The following ANO3 variants were observed in gnomAD, a reference collection of about 807,000 sequenced individuals.
ANO3 encodes the protein anoctamin 3.
A neutral mutation model predicts 144.8 loss-of-function variants in ANO3; 99 were observed. The observed-to-expected ratio is 0.68, with a 90% CI of 0.58 to 0.81. The LOEUF (loss-of-function observed/expected upper bound fraction) is 0.81. Ranked by LOEUF, ANO3 falls within the 30% of genes least tolerant of loss-of-function variation. The probability of loss-of-function intolerance (pLI) is 0.00; values close to 1 mark genes in which losing one functional copy is unlikely to be tolerated. For synonymous variants in ANO3, 414 were observed against 392.6 expected, an observed-to-expected ratio of 1.05 and a Z score of -0.64; for missense variants, 905 against 1,202.2, an observed-to-expected ratio of 0.75 and a Z score of 3.66.
intron 1 of ANO3, among the ~76,000 whole-genome samples, chr11:26,362,203 T>G (rs182403023): frequency 5.3e-4 from 81 of 152,254 alleles, no homozygotes; most frequent in African/African-American, 1.8e-3. Context: ...AATTAATCAT[T>G]AAAAATAATT....
intron 1 of ANO3, among the ~76,000 whole-genome samples, chr11:26,427,871 G>A (rs1857963492): frequency 6.6e-6 from 1 of 152,138 alleles, no homozygotes; most frequent in Admixed American, 6.5e-5. Flanking sequence ...AAGAAATGCA[G>A]ACTGAAGCAG....
chr11:26,358,361 G>A (rs1052030627), intron 1 of ANO3, among the ~76,000 whole-genome samples: 5 of 151,864 alleles, frequency 3.3e-5, no homozygotes, highest in African/African-American at 9.7e-5. Flanking sequence ...TAGTAGAGAC[G>A]GGGTTTCACC....
At position 26,414,357 on chromosome 11, in the gene ANO3, T is replaced by C. The variant is rs139321754; in HGVS notation, c.47-27561T>C. The stretch of plus-strand genomic sequence containing the variant: ...AACCAACCTAAATGCCTATCAACAA[T>C]AGACTGGATAAAGAAAATGTGGTAC... On this transcript the variant is annotated intron_variant, in intron 1 of 26. Transcript: ENST00000256737. 4.1e-4 allele frequency among the ~76,000 whole-genome samples: 63 copies of C among 152,050 alleles called. No homozygotes were observed. The East Asian group carries it at 0.01, about 25-fold the overall frequency.
At chr11:26,544,909 G>A (rs1035817477) in intron 11 of ANO3, among the ~76,000 whole-genome samples, 4 of 151,824 alleles carry the variant, frequency 2.6e-5, no homozygotes, top group African/African-American at 9.7e-5. Context: ...AAGTGGCTAA[G>A]AGAAGGAGTC....
chr11:26,295,231 A>T (rs376084737), intron 1 of ANO3, among the ~76,000 whole-genome samples: 1 of 151,996 alleles, frequency 6.6e-6, no homozygotes, highest in African/African-American at 2.4e-5. Flanking sequence ...TCATTTTCTA[A>T]CACATTATTT....
intron 1 of ANO3, among the ~76,000 whole-genome samples, chr11:26,319,906 T>C (rs1854718341): frequency 6.6e-6 from 1 of 151,884 alleles, no homozygotes; most frequent in Non-Finnish European, 1.5e-5. Flanking sequence ...TTAAGTATTG[T>C]AGAAGAAGGT....
At chr11:26,572,356 A>G (rs1850862332) in intron 14 of ANO3, 1 of 519,878 alleles carries the variant, frequency 1.9e-6, no homozygotes. Flanking sequence ...GGGACAAGGT[A>G]TTACTCTCGT....
intron 3 of ANO3, among the ~76,000 whole-genome samples, chr11:26,450,696 C>T (rs1443486306): frequency 6.6e-6 from 1 of 152,126 alleles, no homozygotes; most frequent in Non-Finnish European, 1.5e-5. Flanking sequence ...TTCTTATAAA[C>T]AGAGATTGAG....
intron 1 of ANO3, among the ~76,000 whole-genome samples, chr11:26,377,253 A>C (rs1856438998): frequency 6.6e-6 from 1 of 152,212 alleles, no homozygotes; most frequent in Non-Finnish European, 1.5e-5. Context: ...ATGCATTGGC[A>C]AAACTAAAAG....
chr11:26,232,804 C>A (rs1852430380), intron 1 of ANO3, among the ~76,000 whole-genome samples: 1 of 152,174 alleles, frequency 6.6e-6, no homozygotes, highest in Non-Finnish European at 1.5e-5. Flanking sequence ...AACTAAAGAG[C>A]TTCTGCACAG....
At chr11:26,504,169 C>T (rs538883098) in intron 4 of ANO3, among the ~76,000 whole-genome samples, 199 of 152,294 alleles carry the variant, frequency 1.3e-3, no homozygotes, top group African/African-American at 4.6e-3. Flanking sequence ...CAAATTGTAA[C>T]TAATTGCGGT....
chr11:26,215,657 G>A (rs73439624), intron 1 of ANO3, among the ~76,000 whole-genome samples: 3,498 of 151,874 alleles, frequency 0.023, 155 homozygotes, highest in African/African-American at 0.081. Context: ...TAATTTCAGG[G>A]TCTCTCACCT....
chr11:26,530,670 C>A (rs896935436), intron 7 of ANO3, among the ~76,000 whole-genome samples: 1 of 151,644 alleles, frequency 6.6e-6, no homozygotes, highest in Non-Finnish European at 1.5e-5. Context: ...ACCTTCCTGG[C>A]CAACATGGTG....
At position 26,516,830 on chromosome 11, in the gene ANO3, G is replaced by A; in HGVS notation, c.595G>A (p.Ala199Thr). Residue 199 changes from alanine to threonine, a missense_variant, in exon 6 of 27, where the codon GCT becomes ACT. This residue lies in a region of ANO3 where 63 missense variants were observed against 107.3 expected (regional missense o/e 0.59). Coordinates refer to ENST00000256737, the MANE Select transcript of ANO3 (RefSeq NM_031418.4). ...CCTATCTTACTATCATTTGCAGCCA[G>A]CTATTGCAAGCCCCGATATCATGTT... ...AEGLMLEKEP[A>T]IASPDIMFIK... is the part of the protein sequence containing the mutation. 1 of 1,607,558 alleles carries A rather than the reference G, an allele frequency of 6.2e-7. No homozygotes were observed. The highest frequency in any genetic ancestry group is 8.5e-7 in the Non-Finnish European group (1 of 1,175,206).
intron 1 of ANO3, among the ~76,000 whole-genome samples, chr11:26,239,496 A>G (rs1429700729): frequency 6.6e-6 from 1 of 152,178 alleles, no homozygotes; most frequent in African/African-American, 2.4e-5. Flanking sequence ...CCCTAGATCA[A>G]GCAGAGCAGC....
At chr11:26,563,395 C>CTCTCTGTGTGTGTG (rs371195680) in intron 14 of ANO3, 8 of 540,000 alleles carry the variant, frequency 1.5e-5, no homozygotes, top group African/African-American at 1.2e-4. Flanking sequence ...GTTTCTCTCT[C>CTCTCTGTGTGTGTG]TGTGTGTGTG....
chr11:26,333,551 G>T (rs902408280), intron 1 of ANO3, among the ~76,000 whole-genome samples: 9 of 152,184 alleles, frequency 5.9e-5, no homozygotes, highest in Non-Finnish European at 7.4e-5. Flanking sequence ...CAAAGTGCTG[G>T]GATTACAGGT....
intron 8 of ANO3, 115 bp from the exon 9 acceptor site, chr11:26,534,338 GGAT>G: frequency 3.5e-6 from 2 of 568,430 alleles, no homozygotes; most frequent in Non-Finnish European, 6.2e-6. Flanking sequence ...TTTTTAAAGA[GGAT>G]GATTTCCCTT....
intron 14 of ANO3, among the ~76,000 whole-genome samples, chr11:26,586,409 A>C (rs981234185): frequency 1.4e-5 from 2 of 142,340 alleles, no homozygotes; most frequent in African/African-American, 5.3e-5. Flanking sequence ...AAGACAAATA[A>C]TTATTGTTGA....
Sources: allele counts gnomAD v4.1 joint callset (sites outside exome capture counted in the v4.1 genomes callset), GRCh38; gene constraint gnomAD v4.1.1; regional missense constraint gnomAD v4.1.1; transcripts MANE v1.5; gene names NCBI Gene and HGNC (gene_info 2026-07-23, HGNC 2026-07-21).